POLA1: variants seen among roughly 807,000 people sequenced by gnomAD.
POLA1 encodes the protein DNA polymerase alpha 1, catalytic subunit, also known as DNA polymerase alpha catalytic subunit.
POLA1 carries 15 observed loss-of-function variants against 124.0 expected under a neutral mutation model. The ratio of observed to expected loss-of-function variants is 0.12; its 90% CI spans 0.08 to 0.19. The LOEUF (loss-of-function observed/expected upper bound fraction) is 0.19, where lower values mean the gene tolerates loss of function less well. Among genes scored for constraint, POLA1 ranks in the 10% least tolerant of loss-of-function variants. The pLI is 1.00. For synonymous variants in POLA1, 408 were observed against 389.4 expected (o/e 1.05, Z -0.56); for missense variants, 886 against 1,103.4 (o/e 0.80, Z 2.79).
intron 36 of POLA1, among the ~76,000 whole-genome samples, chrX:24,980,407 A>C (rs1347620203): frequency 1.8e-5 from 2 of 112,061 alleles, no homozygotes; most frequent in Non-Finnish European, 3.8e-5. Flanking sequence ...CAGGGAAGAA[A>C]AATTAATTCC....
At chrX:24,801,929 GTGT>G (rs2045717080) in intron 26 of POLA1, among the ~76,000 whole-genome samples, 6 of 93,576 alleles carry the variant, frequency 6.4e-5, no homozygotes, top group African/African-American at 1.6e-4. Context: ...GGGTGGGTGT[GTGT>G]GTGTGTGTGT....
chrX:24,848,976 C>G (rs1263200044), intron 34 of POLA1, among the ~76,000 whole-genome samples: 1 of 112,340 alleles, frequency 8.9e-6, no homozygotes, highest in African/African-American at 3.2e-5. Flanking sequence ...GTTCAATAAC[C>G]CTCAAAATTT....
intron 26 of POLA1, among the ~76,000 whole-genome samples, chrX:24,801,094 A>T (rs1170421977): frequency 1.8e-5 from 2 of 112,385 alleles, no homozygotes; most frequent in East Asian, 5.5e-4. Flanking sequence ...GGAGAGGTAC[A>T]CTTATAGTCA....
chrX:24,954,594 G>A (rs981773306), intron 36 of POLA1, among the ~76,000 whole-genome samples: 2 of 112,418 alleles, frequency 1.8e-5, no homozygotes, highest in Admixed American at 9.4e-5. Flanking sequence ...TCTGTAATGG[G>A]TGCATAATTT....
chrX:24,934,731 C>CT (rs1395635554), intron 36 of POLA1, among the ~76,000 whole-genome samples: 1 of 110,578 alleles, frequency 9.0e-6, no homozygotes, highest in Non-Finnish European at 1.9e-5. Flanking sequence ...CTCTCCCCAA[C>CT]TTTTTTTTTG....
intron 36 of POLA1, among the ~76,000 whole-genome samples, chrX:24,947,441 G>GTA (rs1164051758): frequency 9.5e-6 from 1 of 105,634 alleles, no homozygotes; most frequent in African/African-American, 3.4e-5. Context: ...CTAATTTTTT[G>GTA]TATTTTTTTT....
At chrX:24,991,204 C>A (rs5943998) in intron 36 of POLA1, among the ~76,000 whole-genome samples, 13 of 108,971 alleles carry the variant, frequency 1.2e-4, no homozygotes, top group East Asian at 2.9e-4. Context: ...CCTCCCCCCC[C>A]ACACCCACCC....
At chrX:24,924,065 T>C (rs11573475) in intron 35 of POLA1, among the ~76,000 whole-genome samples, 71 of 112,124 alleles carry the variant, frequency 6.3e-4, no homozygotes, top group African/African-American at 2.2e-3. Flanking sequence ...GAGACACTCA[T>C]GTTCAAGAGT....
chrX:24,915,684 AC>A (rs947621723), intron 35 of POLA1, among the ~76,000 whole-genome samples: 1 of 112,061 alleles, frequency 8.9e-6, no homozygotes, highest in Non-Finnish European at 1.9e-5. Context: ...AGTGTTGCTA[AC>A]AGCAAAATTT....
chrX:24,776,021 C>T (rs1252312230), intron 26 of POLA1, among the ~76,000 whole-genome samples: 1 of 111,739 alleles, frequency 8.9e-6, no homozygotes, highest in Non-Finnish European at 1.9e-5. Flanking sequence ...TATAGAACAC[C>T]ACTGTAGCAT....
chrX:24,869,552 G>A (rs2046839112), intron 34 of POLA1, among the ~76,000 whole-genome samples: 1 of 112,394 alleles, frequency 8.9e-6, no homozygotes. Flanking sequence ...TAGCCTGAGG[G>A]AGGCTAGAGT....
intron 32 of POLA1, among the ~76,000 whole-genome samples, chrX:24,829,038 A>G (rs2046218852): frequency 8.9e-6 from 1 of 112,048 alleles, no homozygotes. Flanking sequence ...AGCCAGTAGT[A>G]GACAAGTGGG....
intron 36 of POLA1, among the ~76,000 whole-genome samples, chrX:24,932,266 T>C (rs1227590186): frequency 8.9e-6 from 1 of 112,478 alleles, no homozygotes; most frequent in Admixed American, 9.4e-5. Flanking sequence ...AGGGGAAAGA[T>C]TCCTCTTCCC....
chrX:24,778,179 C>T (rs993212310), intron 26 of POLA1, among the ~76,000 whole-genome samples: 13 of 111,891 alleles, frequency 1.2e-4, no homozygotes, highest in African/African-American at 3.6e-4. Context: ...TTAATAGTTT[C>T]TTCCTTTTTG....
At chrX:24,865,839 G>A in intron 34 of POLA1, among the ~76,000 whole-genome samples, 1 of 111,276 alleles carries the variant, frequency 9.0e-6, no homozygotes, top group Non-Finnish European at 1.9e-5. Flanking sequence ...ATTTAAAACA[G>A]GAGTTTTTAT....
At chrX:24,924,718 G>A (rs988445069) in intron 35 of POLA1, among the ~76,000 whole-genome samples, 1 of 111,941 alleles carries the variant, frequency 8.9e-6, no homozygotes, top group Non-Finnish European at 1.9e-5. Flanking sequence ...TGTGGGGTCT[G>A]ATGAGGTGGA....
chrX:24,942,077 A>G (rs189293618), intron 36 of POLA1, among the ~76,000 whole-genome samples: 5 of 112,259 alleles, frequency 4.5e-5, no homozygotes, highest in African/African-American at 9.7e-5. Flanking sequence ...TATTGCTTCT[A>G]GAAGTACCAA....
intron 30 of POLA1, among the ~76,000 whole-genome samples, chrX:24,819,542 C>T (rs1228008932): frequency 8.9e-6 from 1 of 111,875 alleles, no homozygotes; most frequent in Admixed American, 9.5e-5. Flanking sequence ...AATGCTTTCC[C>T]TTGAGCAATC....
intron 27 of POLA1, 82 bp downstream of exon 27, chrX:24,810,012 A>T: frequency 1.7e-6 from 1 of 574,500 alleles, no homozygotes; most frequent in Non-Finnish European, 2.8e-6. Context: ...TTGTAACCCA[A>T]ACAGACTGGA....
Sources: gnomAD v4.1 joint callset for allele counts (sites outside exome capture counted in the v4.1 genomes callset) on GRCh38, gnomAD v4.1.1 for gene constraint, MANE v1.5 for transcripts, NCBI Gene and HGNC (gene_info 2026-07-23, HGNC 2026-07-21) for gene names.